The following PLXDC2 variants were observed in gnomAD, a reference collection of about 807,000 sequenced individuals.
The protein encoded by PLXDC2 is plexin domain-containing protein 2.
Under a neutral mutation model 68.9 loss-of-function variants are expected in PLXDC2, and 40 were observed. The observed-to-expected ratio is 0.58, with a 90% CI of 0.45 to 0.76. The LOEUF is 0.76. PLXDC2 is among the 30% of genes least tolerant of loss of function. The probability of loss-of-function intolerance (pLI) is 0.00; values close to 1 mark genes in which losing one functional copy is unlikely to be tolerated. For synonymous variants in PLXDC2, 243 were observed against 234.2 expected, an observed-to-expected ratio of 1.04 and a Z score of -0.34; for missense variants, 644 against 661.9, an observed-to-expected ratio of 0.97 and a Z score of 0.30.
At chr10:20,095,293 T>G (rs1447818725) in intron 4 of PLXDC2, among the ~76,000 whole-genome samples, 1 of 152,152 alleles carries the variant, frequency 6.6e-6, no homozygotes, top group Admixed American at 6.6e-5. Flanking sequence ...TCCTACAGTA[T>G]TAGACAGTAC....
intron 4 of PLXDC2, among the ~76,000 whole-genome samples, chr10:20,101,885 C>T (rs1181032617): frequency 1.3e-5 from 2 of 151,958 alleles, no homozygotes; most frequent in Non-Finnish European, 2.9e-5. Flanking sequence ...GCAACCTCCA[C>T]CTCCCAGGTT....
chr10:19,890,559 C>T, intron 1 of PLXDC2, among the ~76,000 whole-genome samples: 1 of 137,174 alleles, frequency 7.3e-6, no homozygotes, highest in Admixed American at 7.7e-5. Context: ...TTTTTTTGAG[C>T]AGAGACAGGG....
intron 2 of PLXDC2, among the ~76,000 whole-genome samples, chr10:20,028,255 T>G (rs977545461): frequency 3.9e-5 from 6 of 152,174 alleles, no homozygotes; most frequent in Non-Finnish European, 1.5e-5. Flanking sequence ...GGCCTGGGGT[T>G]TGGAATTTTT....
intron 1 of PLXDC2, among the ~76,000 whole-genome samples, chr10:19,927,651 G>A (rs1589540374): frequency 1.4e-5 from 2 of 138,072 alleles, no homozygotes; most frequent in South Asian, 4.7e-4. Flanking sequence ...GCAGTGAGCC[G>A]AGATTGCCCA....
chr10:19,948,218 G>A (rs1463467435), intron 1 of PLXDC2, among the ~76,000 whole-genome samples: 1 of 152,024 alleles, frequency 6.6e-6, no homozygotes, highest in Non-Finnish European at 1.5e-5. Flanking sequence ...ATTATTATTA[G>A]GGCCTCAGAA....
chr10:20,087,477 A>G (rs1833215685), intron 4 of PLXDC2, among the ~76,000 whole-genome samples: 1 of 152,254 alleles, frequency 6.6e-6, no homozygotes, highest in African/African-American at 2.4e-5. Flanking sequence ...CACGGAGAGT[A>G]ACTTCCAGCC....
intron 4 of PLXDC2, among the ~76,000 whole-genome samples, chr10:20,124,751 TTGAGCCAGGA>T (rs1410165564): frequency 1.3e-5 from 2 of 151,990 alleles, no homozygotes; most frequent in East Asian, 1.9e-4. Flanking sequence ...GGGGGAGCTT[TTGAGCCAGGA>T]TGAGCCAGGA....
At chr10:19,946,879 A>G (rs1226661619) in intron 1 of PLXDC2, among the ~76,000 whole-genome samples, 1 of 152,028 alleles carries the variant, frequency 6.6e-6, no homozygotes. Context: ...TCAGGCGGTA[A>G]TACGAGTGAC....
chr10:20,193,279 G>A (rs1408065359), intron 9 of PLXDC2, among the ~76,000 whole-genome samples: 1 of 152,006 alleles, frequency 6.6e-6, no homozygotes, highest in Admixed American at 6.6e-5. Flanking sequence ...CAGATAAATG[G>A]AGGATACATA....
In PLXDC2 at chr10:20,186,816, T is replaced by C. The variant is rs576333159; in HGVS notation, c.1061+9407T>C. ...CATGTTTTCTTTATCCAGTCTACCATTGATGGGCATTTACATTGATTTCAC... is the reference window on the plus strand; with the variant it reads ...CATGTTTTCTTTATCCAGTCTACCACTGATGGGCATTTACATTGATTTCAC... On this transcript the variant is annotated intron_variant, in intron 9 of 13. Coordinates refer to ENST00000377252, the MANE Select transcript of PLXDC2 (RefSeq NM_032812.9). 9.0e-4 allele frequency among the ~76,000 whole-genome samples: 137 copies of C among 152,068 alleles called. 1 individual carries two copies. Among genetic ancestry groups the C allele is most frequent in the Non-Finnish European group, 1.5e-3 (105 of 67,910 alleles).
chr10:19,973,166 A>C (rs1217557394), intron 1 of PLXDC2, among the ~76,000 whole-genome samples: 2 of 150,488 alleles, frequency 1.3e-5, no homozygotes, highest in African/African-American at 2.4e-5. Flanking sequence ...TCTTTGTGAA[A>C]ATGTTGTCAT....
intron 1 of PLXDC2, among the ~76,000 whole-genome samples, chr10:19,893,246 C>G (rs1220305067): frequency 6.6e-6 from 1 of 152,140 alleles, no homozygotes; most frequent in Non-Finnish European, 1.5e-5. Context: ...GTAAGCCCCA[C>G]TGTATACTTA....
chr10:19,962,951 C>T (rs1311539010), intron 1 of PLXDC2, among the ~76,000 whole-genome samples: 1 of 139,988 alleles, frequency 7.1e-6, no homozygotes, highest in Non-Finnish European at 1.5e-5. Context: ...GATCGTGAAA[C>T]TGTACTCCAG....
At chr10:20,073,194 T>C (rs1836366838) in intron 4 of PLXDC2, among the ~76,000 whole-genome samples, 1 of 152,230 alleles carries the variant, frequency 6.6e-6, no homozygotes, top group South Asian at 2.1e-4. Flanking sequence ...TATGTTTTCA[T>C]GGTGAATCCA....
At chr10:19,839,111 G>A (rs1836855613) in intron 1 of PLXDC2, among the ~76,000 whole-genome samples, 1 of 151,582 alleles carries the variant, frequency 6.6e-6, no homozygotes, top group African/African-American at 2.4e-5. Context: ...CCTTGAACTT[G>A]GGAAGCAGGG....
chr10:20,267,840 C>CTTTTTTTTTTTT (rs58705023), intron 13 of PLXDC2, among the ~76,000 whole-genome samples: 1 of 146,580 alleles, frequency 6.8e-6, no homozygotes. Flanking sequence ...GCTTTTTTAT[C>CTTTTTTTTTTTT]TTTTTTTTTT....
Position 20,289,390 on chromosome 10 carries a change from G to A in PLXDC2, c.*9571G>A, listed in dbSNP as rs550098986. 6.6e-6 allele frequency: 1 copy of A among 152,262 alleles called. No individual in the cohort carries two copies. The highest frequency in any genetic ancestry group is 2.1e-4 in the South Asian group (1 of 4,832). The allele number at this position is 152,262 out of a possible 1,614,324, so 9.4% of individuals were successfully genotyped here. ...GCTTTAAATCCTAGTGCTGGAATAA[G>A]TCAAGGTACTTCAGTTCAGCTCTTG... is the stretch of plus-strand genomic sequence containing the variant. On this transcript the variant is annotated 3_prime_UTR_variant, in exon 14 of 14. Transcript: ENST00000377252.
At chr10:20,039,899 T>C (rs1438890148) in intron 2 of PLXDC2, among the ~76,000 whole-genome samples, 1 of 152,200 alleles carries the variant, frequency 6.6e-6, no homozygotes, top group African/African-American at 2.4e-5. Flanking sequence ...TACACATTCA[T>C]ATTTGAATAG....
At chr10:20,171,829 G>T (rs1041439094) in intron 7 of PLXDC2, among the ~76,000 whole-genome samples, 6 of 152,002 alleles carry the variant, frequency 3.9e-5, no homozygotes, top group African/African-American at 1.4e-4. Flanking sequence ...ACTGTGTCTA[G>T]CTGGGAGCAG....
Sources: gnomAD v4.1 joint callset for allele counts (sites outside exome capture counted in the v4.1 genomes callset) on GRCh38, gnomAD v4.1.1 for gene constraint, MANE v1.5 for transcripts, NCBI Gene and HGNC (gene_info 2026-07-23, HGNC 2026-07-21) for gene names.